The following SAV1 variants were observed in gnomAD, a reference collection of about 807,000 sequenced individuals.
SAV1 encodes salvador family WW domain containing protein 1.
Under a neutral mutation model 47.3 loss-of-function variants are expected in SAV1, and 23 were observed. That is an observed-to-expected ratio of 0.49 (90% CI 0.35 to 0.69). The LOEUF (loss-of-function observed/expected upper bound fraction) is 0.69, where lower values mean the gene tolerates loss of function less well. Among genes scored for constraint, SAV1 ranks in the 30% least tolerant of loss-of-function variants. The pLI is 0.01. For synonymous variants in SAV1, 155 were observed against 159.2 expected (o/e 0.97, Z 0.20); for missense variants, 448 against 457.4 (o/e 0.98, Z 0.19).
At chr14:50,643,411 G>A (rs1050160239) in intron 3 of SAV1, among the ~76,000 whole-genome samples, 26 of 152,230 alleles carry the variant, frequency 1.7e-4, no homozygotes, top group African/African-American at 6.0e-4. Flanking sequence ...CGTGGTGGCA[G>A]GAGAGAGAAA....
chr14:50,639,923 G>C (rs994724029), intron 4 of SAV1, among the ~76,000 whole-genome samples: 5 of 152,160 alleles, frequency 3.3e-5, no homozygotes, highest in Non-Finnish European at 5.9e-5. Flanking sequence ...GTGGTATCAA[G>C]GGACAAAGAA....
chr14:50,662,326 G>A (rs889303082), intron 2 of SAV1, among the ~76,000 whole-genome samples: 5 of 151,920 alleles, frequency 3.3e-5, no homozygotes, highest in Admixed American at 1.3e-4. Context: ...CTGCCACCAC[G>A]CCCGGCTAAT....
intron 4 of SAV1, among the ~76,000 whole-genome samples, chr14:50,638,168 A>G (rs1455923717): frequency 2.0e-5 from 3 of 152,226 alleles, no homozygotes; most frequent in Non-Finnish European, 4.4e-5. Context: ...TTGCTTCTAC[A>G]TAGTTACTAC....
chr14:50,655,660 A>C (rs991465744), intron 2 of SAV1, among the ~76,000 whole-genome samples: 14 of 151,700 alleles, frequency 9.2e-5, no homozygotes, highest in African/African-American at 1.7e-4. Context: ...TCCTGACCTT[A>C]GGTGATCCAT....
intron 2 of SAV1, chr14:50,663,232 G>T (rs534171814): frequency 1.3e-5 from 2 of 152,274 alleles, no homozygotes; most frequent in East Asian, 3.9e-4. Flanking sequence ...CATGGAAAAA[G>T]ATGAAGAAAA....
chr14:50,660,181 T>C (rs1194057335), intron 2 of SAV1, among the ~76,000 whole-genome samples: 2 of 152,190 alleles, frequency 1.3e-5, no homozygotes, highest in Non-Finnish European at 2.9e-5. Flanking sequence ...CTTGGTCTTG[T>C]GACTCCCCAA....
chr14:50,651,736 C>T (rs2039771649), intron 2 of SAV1, among the ~76,000 whole-genome samples: 1 of 152,282 alleles, frequency 6.6e-6, no homozygotes, highest in African/African-American at 2.4e-5. Flanking sequence ...AAGCAATCCT[C>T]CCACCTCAGC....
chr14:50,663,105 G>C (rs1040996001), intron 2 of SAV1: 1 of 152,112 alleles, frequency 6.6e-6, no homozygotes, highest in East Asian at 1.9e-4. Context: ...GGAAGATTAC[G>C]CAGTCATTAA....
intron 2 of SAV1, among the ~76,000 whole-genome samples, chr14:50,652,173 C>G (rs887322193): frequency 6.6e-6 from 1 of 152,170 alleles, no homozygotes; most frequent in African/African-American, 2.4e-5. Context: ...AATGTACTTA[C>G]TGCCAACAAA....
chr14:50,640,041 T>C (rs1271728776), intron 4 of SAV1, among the ~76,000 whole-genome samples: 1 of 152,174 alleles, frequency 6.6e-6, no homozygotes, highest in Non-Finnish European at 1.5e-5. Flanking sequence ...TGGAGTGCAG[T>C]GGCACAAGCA....
chr14:50,652,246 AT>A (rs34076778), intron 2 of SAV1, among the ~76,000 whole-genome samples: 3,206 of 152,346 alleles, frequency 0.021, 119 homozygotes, highest in African/African-American at 0.073. Flanking sequence ...ACAATTAAAC[AT>A]TTTTTTAAAA....
At chr14:50,638,471 T>C (rs2140247623) in intron 4 of SAV1, among the ~76,000 whole-genome samples, 1 of 152,312 alleles carries the variant, frequency 6.6e-6, no homozygotes, top group East Asian at 1.9e-4. Flanking sequence ...AAAAATAACC[T>C]GTCCACACTG....
At chr14:50,661,153 T>A (rs1197579121) in intron 2 of SAV1, among the ~76,000 whole-genome samples, 1 of 152,244 alleles carries the variant, frequency 6.6e-6, no homozygotes, top group Non-Finnish European at 1.5e-5. Context: ...ACAATAGCCA[T>A]TCTGACTGGG....
intron 2 of SAV1, chr14:50,664,739 C>T (rs527718616): frequency 6.5e-6 from 1 of 153,058 alleles, no homozygotes; most frequent in Non-Finnish European, 1.5e-5. Context: ...TGTGGTTGCT[C>T]AGGGTATCAC....
In SAV1 at chr14:50,645,571, TA is replaced by T. The variant is rs578119398; in HGVS notation, c.536-558del. ...TTATGTACATACAAATATTCCAAAA[TA>T]AAAAAAAAAATCCAAAATCTCAAAC... On this transcript the variant is annotated intron_variant, in intron 2 of 4. Coordinates refer to ENST00000324679, the MANE Select transcript of SAV1 (RefSeq NM_021818.4). 1.2e-3 allele frequency among the ~76,000 whole-genome samples: 170 copies of T among 145,940 alleles called. 1 individual carries two copies. Among genetic ancestry groups the T allele is most frequent in the South Asian group, 8.6e-3 (40 of 4,658 alleles).
At chr14:50,657,373 T>C (rs1350368400) in intron 2 of SAV1, among the ~76,000 whole-genome samples, 1 of 152,188 alleles carries the variant, frequency 6.6e-6, no homozygotes. Context: ...GCTCTTTCCA[T>C]ATGTCTTATT....
intron 2 of SAV1, among the ~76,000 whole-genome samples, chr14:50,648,080 C>A (rs372441809): frequency 3.9e-5 from 6 of 152,154 alleles, no homozygotes; most frequent in Admixed American, 3.9e-4. Flanking sequence ...AACTGTGGTG[C>A]AACTGTACAG....
chr14:50,658,600 A>G (rs1046264987), intron 2 of SAV1, among the ~76,000 whole-genome samples: 1 of 152,230 alleles, frequency 6.6e-6, no homozygotes, highest in East Asian at 1.9e-4. Context: ...TGAAAATCTA[A>G]TAACTAATTG....
At chr14:50,667,459 A>G (rs1277220747) in intron 1 of SAV1, 1 of 457,004 alleles carries the variant, frequency 2.2e-6, no homozygotes, top group Admixed American at 2.3e-5. Context: ...CAGTCGAGAG[A>G]CACCCGCAAT....
Sources: gnomAD v4.1 joint callset for allele counts (sites outside exome capture counted in the v4.1 genomes callset) on GRCh38, gnomAD v4.1.1 for gene constraint, MANE v1.5 for transcripts, NCBI Gene and HGNC (gene_info 2026-07-23, HGNC 2026-07-21) for gene names.